Variants in SUPT16H observed in about 807,000 individuals in gnomAD.
The protein encoded by SUPT16H is FACT complex subunit SPT16.
A neutral mutation model predicts 136.2 loss-of-function variants in SUPT16H; 24 were observed. That is an observed-to-expected ratio of 0.18 (90% CI 0.13 to 0.25). The LOEUF (loss-of-function observed/expected upper bound fraction) is 0.25, where lower values mean the gene tolerates loss of function less well. SUPT16H is among the 10% of genes least tolerant of loss of function. SUPT16H has a pLI of 1.00. For synonymous variants in SUPT16H, 415 were observed against 428.2 expected (o/e 0.97, Z 0.38); for missense variants, 623 against 1,270.2 (o/e 0.49, Z 7.74).
chr14:21,383,813 T>C (rs1290041038), intron 1 of SUPT16H, 49 bp downstream of exon 1: 3 of 1,606,884 alleles, frequency 1.9e-6, no homozygotes, highest in Non-Finnish European at 2.6e-6. Flanking sequence ...AGGGTTATTA[T>C]GGGATGGCTA....
chr14:21,376,880 T>A (rs940034224), intron 1 of SUPT16H, among the ~76,000 whole-genome samples: 2 of 152,044 alleles, frequency 1.3e-5, no homozygotes, highest in Non-Finnish European at 2.9e-5. Context: ...AGCACTTGAA[T>A]ACATATTTCA....
In SUPT16H at chr14:21,352,372, A is replaced by C. The variant is rs1007435468; in HGVS notation, c.*301T>G. On this transcript the variant is annotated 3_prime_UTR_variant, in exon 26 of 26. Transcript: ENST00000216297. Reference sequence around the variant, plus strand: ...CCAAATAAGATGTCAGAAGCCATCAATGTCTTGGCAGAAGGTGACAGGAAG... The same window carrying C: ...CCAAATAAGATGTCAGAAGCCATCACTGTCTTGGCAGAAGGTGACAGGAAG... 1 of 373,914 alleles carries C rather than the reference A, an allele frequency of 2.7e-6. No individual in the cohort carries two copies. The highest frequency in any genetic ancestry group is 2.0e-5 in the African/African-American group (1 of 49,072). The allele number at this position is 373,914 out of a possible 1,614,324, so 23.2% of individuals were successfully genotyped here. A position where few individuals can be genotyped will look rare whatever the true frequency, so the allele number is the denominator to read the frequency against.
At chr14:21,383,776 G>A in intron 1 of SUPT16H, 86 bp downstream of exon 1, 1 of 1,508,506 alleles carries the variant, frequency 6.6e-7, no homozygotes, top group Non-Finnish European at 9.2e-7. Context: ...ATTCCTGACC[G>A]AAAGAGAAAA....
intron 6 of SUPT16H, among the ~76,000 whole-genome samples, chr14:21,368,928 G>A (rs1055921997): frequency 6.6e-6 from 1 of 152,188 alleles, no homozygotes; most frequent in South Asian, 2.1e-4. Context: ...GTGTGTAGGG[G>A]GGCAGGCGAG....
intron 22 of SUPT16H, 144 bp downstream of exon 22, chr14:21,357,053 A>T (rs1287614022): frequency 1.6e-5 from 12 of 752,272 alleles, no homozygotes; most frequent in Non-Finnish European, 2.3e-5. Context: ...AATAGATCTC[A>T]AGTTTTCAAG....
intron 4 of SUPT16H, among the ~76,000 whole-genome samples, chr14:21,370,111 T>C (rs1048597512): frequency 1.5e-4 from 23 of 152,188 alleles, no homozygotes; most frequent in African/African-American, 5.3e-4. Context: ...GTTAAGCTAA[T>C]GTACCACTTA....
chr14:21,352,551 C>T lies in SUPT16H; in HGVS notation c.*122G>A. 2 of 1,514,940 alleles carry T rather than the reference C, an allele frequency of 1.3e-6. No homozygotes were observed. The highest frequency in any genetic ancestry group is 2.5e-5 in the South Asian group (2 of 81,550). The allele number at this position is 1,514,940 out of a possible 1,614,324, so 93.8% of individuals were successfully genotyped here. A position where few individuals can be genotyped will look rare whatever the true frequency, so the allele number is the denominator to read the frequency against. On this transcript the variant is annotated 3_prime_UTR_variant, in exon 26 of 26. Coordinates refer to ENST00000216297, the MANE Select transcript of SUPT16H (RefSeq NM_007192.4). Reference sequence around the variant, plus strand: ...TGGTCCACACAAATGGCCCCCTAAACCCATAAACACAAATGGCAAAACTTC... The same window carrying T: ...TGGTCCACACAAATGGCCCCCTAAATCCATAAACACAAATGGCAAAACTTC...
chr14:21,365,043 C>A (rs573343432), intron 9 of SUPT16H, 27 bp downstream of exon 9: 1 of 1,610,028 alleles, frequency 6.2e-7, no homozygotes, highest in East Asian at 2.2e-5. Flanking sequence ...CTCACAAAAG[C>A]ATTTTCCTAT....
intron 19 of SUPT16H, 55 bp downstream of exon 19, chr14:21,359,429 A>C: frequency 1.3e-6 from 2 of 1,594,960 alleles, no homozygotes; most frequent in Non-Finnish European, 1.7e-6. Flanking sequence ...CTGAGCTTGG[A>C]TTTGGCCTCA....
intron 1 of SUPT16H, among the ~76,000 whole-genome samples, chr14:21,373,751 G>C (rs1441800385): frequency 6.6e-6 from 1 of 152,040 alleles, no homozygotes; most frequent in Non-Finnish European, 1.5e-5. Flanking sequence ...TTTTGAGATG[G>C]AGTTTGACTC....
At chr14:21,380,296 ATTT>A (rs60588939) in intron 1 of SUPT16H, among the ~76,000 whole-genome samples, 4 of 112,024 alleles carry the variant, frequency 3.6e-5, no homozygotes, top group African/African-American at 1.3e-4. Flanking sequence ...GGAAGACTGA[ATTT>A]TTTTTTTTTT....
intron 22 of SUPT16H, among the ~76,000 whole-genome samples, chr14:21,355,886 A>T (rs1470905874): frequency 6.6e-6 from 1 of 152,210 alleles, no homozygotes; most frequent in Admixed American, 6.5e-5. Flanking sequence ...ATGGAGTAAC[A>T]ATGACTAGAT....
intron 1 of SUPT16H, among the ~76,000 whole-genome samples, chr14:21,380,653 G>C (rs1184502997): frequency 5.9e-5 from 9 of 152,082 alleles, no homozygotes; most frequent in Non-Finnish European, 2.9e-5. Context: ...ATGCTCACAA[G>C]AATGTGAGTA....
At chr14:21,358,741 C>A (rs7160488) in intron 19 of SUPT16H, among the ~76,000 whole-genome samples, 131,789 of 152,228 alleles carry the variant, frequency 0.87, 57,592 homozygotes, top group Middle Eastern at 0.94. Flanking sequence ...AGCCTAAACT[C>A]TTGTAATACC....
intron 1 of SUPT16H, among the ~76,000 whole-genome samples, chr14:21,379,881 A>AACACAAAC (rs1408649239): frequency 1.3e-4 from 20 of 149,426 alleles, no homozygotes; most frequent in African/African-American, 5.0e-4. Context: ...TGAAACTCAA[A>AACACAAAC]AAACAAACAA....
Position 21,383,976 on chromosome 14 carries a change from C to G in SUPT16H, c.-49G>C, listed in dbSNP as rs1440743560. 6.2e-7 allele frequency: 1 copy of G among 1,608,664 alleles called. No individual in the cohort carries two copies. The highest frequency in any genetic ancestry group is 1.1e-5 in the South Asian group (1 of 90,930). ...GGGTTCCGAGAATCACGCGAGGTCC[C>G]GGCTCAGCCACCCGCTCTCGGCCCA... On this transcript the variant is annotated 5_prime_UTR_variant, in exon 1 of 26. Coordinates refer to ENST00000216297, the MANE Select transcript of SUPT16H (RefSeq NM_007192.4).
At position 21,362,694 on chromosome 14, in the gene SUPT16H, C is replaced by A; in HGVS notation, c.1665+100G>T. ...GTAACTGAACAGAGTCTGAAGGAGTCAAAAGTGGGAGACATGATGAATGCA... is the reference window on the plus strand; with the variant it reads ...GTAACTGAACAGAGTCTGAAGGAGTAAAAAGTGGGAGACATGATGAATGCA... On this transcript the variant is annotated intron_variant, in intron 14 of 25. Transcript: ENST00000216297. 3 of 1,384,776 alleles carry A rather than the reference C, an allele frequency of 2.2e-6. No homozygotes were observed. The South Asian group carries it at 4.2e-5, about 20-fold the overall frequency. The allele number at this position is 1,384,776 out of a possible 1,614,324, so 85.8% of individuals were successfully genotyped here.
chr14:21,379,922 C>A (rs994063457), intron 1 of SUPT16H, among the ~76,000 whole-genome samples: 1 of 151,092 alleles, frequency 6.6e-6, no homozygotes, highest in Non-Finnish European at 1.5e-5. Context: ...AAAAACCTTT[C>A]TCTATCCCAC....
At chr14:21,352,927 T>A in intron 25 of SUPT16H, 109 bp from the exon 26 acceptor site, 1 of 1,429,976 alleles carries the variant, frequency 7.0e-7, no homozygotes, top group Non-Finnish European at 9.6e-7. Flanking sequence ...AGACCCAAGT[T>A]TTAATATTGG....
Sources: gnomAD v4.1 joint callset for allele counts (sites outside exome capture counted in the v4.1 genomes callset) on GRCh38, gnomAD v4.1.1 for gene constraint, MANE v1.5 for transcripts, NCBI Gene and HGNC (gene_info 2026-07-23, HGNC 2026-07-21) for gene names.